ST18: variants seen among roughly 807,000 people sequenced by gnomAD.
The protein encoded by ST18 is ST18 C2H2C-type zinc finger transcription factor, also known as suppression of tumorigenicity 18 protein.
ST18 carries 50 observed loss-of-function variants against 110.0 expected under a neutral mutation model. That is an observed-to-expected ratio of 0.45 (90% CI 0.36 to 0.58). The LOEUF (loss-of-function observed/expected upper bound fraction) is 0.58. Ranked by LOEUF, ST18 falls within the 20% of genes least tolerant of loss-of-function variation. The pLI is 0.00. For missense variants in ST18, 1,306 were observed against 1,280.1 expected (o/e 1.02, Z -0.31); for synonymous variants, 461 against 452.4 (o/e 1.02, Z -0.24).
intron 8 of ST18, 105 bp from the exon 9 acceptor site, chr8:52,180,417 T>C: frequency 7.8e-7 from 1 of 1,288,546 alleles, no homozygotes; most frequent in Non-Finnish European, 1.1e-6. Flanking sequence ...AACTTGGGAC[T>C]AGAGGTTTAG....
intron 2 of ST18, among the ~76,000 whole-genome samples, chr8:52,253,802 T>C (rs2094429708): frequency 6.6e-6 from 1 of 152,116 alleles, no homozygotes; most frequent in Non-Finnish European, 1.5e-5. Flanking sequence ...TAAGTCTCAT[T>C]TCATATCAAA....
intron 9 of ST18, among the ~76,000 whole-genome samples, chr8:52,174,856 T>C (rs1195325438): frequency 6.6e-6 from 1 of 152,120 alleles, no homozygotes; most frequent in Non-Finnish European, 1.5e-5. Flanking sequence ...AGGCTTTCAC[T>C]GGAGTCATAA....
intron 8 of ST18, among the ~76,000 whole-genome samples, chr8:52,208,234 C>T (rs1343553191): frequency 1.3e-5 from 2 of 152,178 alleles, no homozygotes; most frequent in East Asian, 1.9e-4. Flanking sequence ...AGCAATAACA[C>T]GTCCAATGCA....
At chr8:52,211,092 T>C (rs2082004475) in intron 8 of ST18, among the ~76,000 whole-genome samples, 1 of 152,160 alleles carries the variant, frequency 6.6e-6, no homozygotes, top group Non-Finnish European at 1.5e-5. Flanking sequence ...TGCAGAGAAA[T>C]GTACAGAGCA....
chr8:52,233,112 T>A (rs2091871193), intron 2 of ST18, among the ~76,000 whole-genome samples: 3 of 152,166 alleles, frequency 2.0e-5, no homozygotes, highest in Non-Finnish European at 4.4e-5. Context: ...AATAAAAAAA[T>A]TTGATTAATA....
intron 17 of ST18, among the ~76,000 whole-genome samples, chr8:52,140,572 G>C (rs1563642339): frequency 1.3e-5 from 2 of 151,856 alleles, no homozygotes; most frequent in Non-Finnish European, 2.9e-5. Flanking sequence ...TAGATAGATA[G>C]ATAGATAGAT....
At chr8:52,147,835 C>T (rs1488157803) in intron 16 of ST18, among the ~76,000 whole-genome samples, 1 of 152,164 alleles carries the variant, frequency 6.6e-6, no homozygotes, top group African/African-American at 2.4e-5. Flanking sequence ...GGAGATTAAG[C>T]AGTCATGTGA....
rs948229630 is a variant in ST18 at position 52,177,227 on chromosome 8, G to T, written c.277+2895C>A. Among the ~76,000 whole-genome samples, 5 of 152,208 alleles carry T rather than the reference G, an allele frequency of 3.3e-5. No homozygotes were observed. The East Asian group carries it at 9.6e-4, about 29-fold the overall frequency. ...TCTCCTCAGGAAGGAAGAGGTAACTGCATGGTTTGTCCATGTTCTCTTCTA... is the reference window on the plus strand; with the variant it reads ...TCTCCTCAGGAAGGAAGAGGTAACTTCATGGTTTGTCCATGTTCTCTTCTA... On this transcript the variant is annotated intron_variant, in intron 9 of 25. Coordinates refer to ENST00000689386, the MANE Select transcript of ST18 (RefSeq NM_001352837.2).
intron 16 of ST18, among the ~76,000 whole-genome samples, chr8:52,148,839 C>T (rs950903777): frequency 1.3e-5 from 2 of 152,182 alleles, no homozygotes; most frequent in Non-Finnish European, 2.9e-5. Context: ...AATTAGATCT[C>T]ATCACCCAAA....
intron 2 of ST18, among the ~76,000 whole-genome samples, chr8:52,322,541 T>C (rs891402904): frequency 4.6e-5 from 7 of 152,058 alleles, no homozygotes; most frequent in African/African-American, 1.5e-4. Flanking sequence ...CATAATGTGG[T>C]TATTTCCTGA....
intron 2 of ST18, among the ~76,000 whole-genome samples, chr8:52,399,907 A>G (rs1045589148): frequency 2.0e-5 from 3 of 152,042 alleles, no homozygotes; most frequent in African/African-American, 7.2e-5. Flanking sequence ...AAAGTTCCAT[A>G]TATGTCTGTT....
At chr8:52,158,716 T>C (rs1378006468) in intron 15 of ST18, among the ~76,000 whole-genome samples, 182 bp downstream of exon 15, 2 of 152,234 alleles carry the variant, frequency 1.3e-5, no homozygotes, top group Non-Finnish European at 2.9e-5. Flanking sequence ...ACTTTCATCC[T>C]TCTTTGACCC....
intron 2 of ST18, among the ~76,000 whole-genome samples, chr8:52,324,387 T>C (rs1186643493): frequency 6.6e-6 from 1 of 151,690 alleles, no homozygotes; most frequent in African/African-American, 2.4e-5. Context: ...CAGATAGAGG[T>C]CTCAAGTGTG....
intron 2 of ST18, among the ~76,000 whole-genome samples, chr8:52,284,812 G>T (rs1015412413): frequency 1.3e-5 from 2 of 149,754 alleles, no homozygotes; most frequent in Non-Finnish European, 3.0e-5. Context: ...TATAACCCCC[G>T]CCACCCCCCA....
chr8:52,175,143 C>T (rs550108238), intron 9 of ST18, among the ~76,000 whole-genome samples: 207 of 152,258 alleles, frequency 1.4e-3, no homozygotes, highest in African/African-American at 4.9e-3. Context: ...ACCGTAGGCA[C>T]ATTGAGGACA....
chr8:52,161,676 C>G, intron 13 of ST18, 108 bp from the exon 14 acceptor site: 1 of 1,250,138 alleles, frequency 8.0e-7, no homozygotes, highest in Non-Finnish European at 1.1e-6. Context: ...AAGGTATCCA[C>G]AGAGACACTG....
intron 2 of ST18, among the ~76,000 whole-genome samples, chr8:52,349,356 G>A (rs1819219074): frequency 6.6e-6 from 1 of 152,058 alleles, no homozygotes; most frequent in Middle Eastern, 3.2e-3. Flanking sequence ...ATTAATCACT[G>A]TATTTTAAGT....
At chr8:52,266,986 G>A (rs1272918684) in intron 2 of ST18, among the ~76,000 whole-genome samples, 6 of 152,174 alleles carry the variant, frequency 3.9e-5, no homozygotes, top group Non-Finnish European at 5.9e-5. Flanking sequence ...TTAAGCTGGT[G>A]AATACAATTG....
chr8:52,371,699 C>T (rs147723218), intron 2 of ST18, among the ~76,000 whole-genome samples: 2,015 of 152,254 alleles, frequency 0.013, 30 homozygotes, highest in Admixed American at 0.021. Flanking sequence ...TCATGCATTC[C>T]AGTCAACGAC....
Sources: allele counts gnomAD v4.1 joint callset (sites outside exome capture counted in the v4.1 genomes callset), GRCh38; gene constraint gnomAD v4.1.1; transcripts MANE v1.5; gene names NCBI Gene and HGNC (gene_info 2026-07-23, HGNC 2026-07-21).